Variants in FNBP1L observed in about 807,000 individuals in gnomAD.
The protein encoded by FNBP1L is formin-binding protein 1-like.
Under a neutral mutation model 91.2 loss-of-function variants are expected in FNBP1L, and 36 were observed. The ratio of observed to expected loss-of-function variants is 0.39; its 90% CI spans 0.30 to 0.52. The LOEUF (loss-of-function observed/expected upper bound fraction) is 0.52. FNBP1L is among the 20% of genes least tolerant of loss of function. The pLI is 0.66. For synonymous variants in FNBP1L, 242 were observed against 237.0 expected (o/e 1.02, Z -0.19); for missense variants, 571 against 732.1 (o/e 0.78, Z 2.54).
intron 9 of FNBP1L, among the ~76,000 whole-genome samples, chr1:93,535,454 A>G (rs987254134): frequency 6.6e-5 from 10 of 152,076 alleles, no homozygotes; most frequent in African/African-American, 2.4e-4. Flanking sequence ...TTTATTTTAG[A>G]TAGATCTAGG....
At chr1:93,474,643 A>G (rs1399289427) in intron 1 of FNBP1L, among the ~76,000 whole-genome samples, 2 of 152,176 alleles carry the variant, frequency 1.3e-5, no homozygotes, top group African/African-American at 2.4e-5. Context: ...GAGAGTATAT[A>G]TTTTAAAAAT....
intron 5 of FNBP1L, among the ~76,000 whole-genome samples, chr1:93,529,443 T>G (rs572914658): frequency 6.6e-6 from 1 of 152,162 alleles, no homozygotes; most frequent in Non-Finnish European, 1.5e-5. Context: ...TTTTTCTCTC[T>G]TTTTAAAATT....
chr1:93,448,207 G>A lies in FNBP1L; in HGVS notation c.-75G>A. On this transcript the variant is annotated 5_prime_UTR_variant, in exon 1 of 17. In the 5' UTR this introduces an upstream ATG that the reference lacks. Transcript: ENST00000271234. ...GAGCTGCTAGCCCGCCGGCCAGCGA[G>A]TGAGAGGTCGGACAGACTGTGGAGC... 4.0e-6 allele frequency: 6 copies of A among 1,507,660 alleles called. No homozygotes were observed. The highest frequency in any genetic ancestry group is 5.3e-6 in the Non-Finnish European group (6 of 1,125,586). 93.4% of individuals were successfully genotyped at this position (1,507,660 alleles called of 1,614,324 possible).
intron 1 of FNBP1L, among the ~76,000 whole-genome samples, chr1:93,470,412 G>A (rs1669244915): frequency 6.6e-6 from 1 of 152,312 alleles, no homozygotes. Context: ...ACAGGCATGA[G>A]CCATCACACT....
chr1:93,497,654 C>G (rs1047592033), intron 1 of FNBP1L, among the ~76,000 whole-genome samples: 17 of 152,190 alleles, frequency 1.1e-4, no homozygotes, highest in African/African-American at 3.9e-4. Flanking sequence ...GAGTCTCACT[C>G]TATTGCCCAG....
intron 5 of FNBP1L, among the ~76,000 whole-genome samples, chr1:93,528,129 A>G (rs1389666973): frequency 2.0e-5 from 3 of 152,158 alleles, no homozygotes; most frequent in Non-Finnish European, 2.9e-5. Flanking sequence ...GAAAAGAGAA[A>G]ACATAGAAAA....
At chr1:93,537,415 C>T (rs1420704157) in intron 10 of FNBP1L, among the ~76,000 whole-genome samples, 2 of 152,030 alleles carry the variant, frequency 1.3e-5, no homozygotes, top group Non-Finnish European at 2.9e-5. Context: ...CCCCTCCTTC[C>T]CTTCTATTTT....
At chr1:93,539,424 A>G (rs947562089) in intron 10 of FNBP1L, among the ~76,000 whole-genome samples, 5 of 151,930 alleles carry the variant, frequency 3.3e-5, no homozygotes, top group Non-Finnish European at 7.4e-5. Flanking sequence ...TATGTCTAAT[A>G]TTTTTACAAA....
intron 15 of FNBP1L, among the ~76,000 whole-genome samples, chr1:93,549,770 C>T (rs919952936): frequency 2.0e-5 from 3 of 152,182 alleles, no homozygotes; most frequent in African/African-American, 4.8e-5. Context: ...ACCCAGGAAG[C>T]GGGATGCTGG....
chr1:93,465,669 T>C (rs1669050838), intron 1 of FNBP1L, among the ~76,000 whole-genome samples: 1 of 152,246 alleles, frequency 6.6e-6, no homozygotes, highest in South Asian at 2.1e-4. Flanking sequence ...AACATATGTG[T>C]ACATATGTCT....
In FNBP1L at chr1:93,469,475, T is replaced by G. The variant is rs557030067; in HGVS notation, c.24+21170T>G. ...GTGTATATGTGCCACATTATCTTTA[T>G]CCAGTCTATTATTGATGGACATTTG... On this transcript the variant is annotated intron_variant, in intron 1 of 16. Transcript: ENST00000271234. Among the ~76,000 whole-genome samples, 4 of 152,330 alleles carry G rather than the reference T, an allele frequency of 2.6e-5. No individual in the cohort carries two copies. The East Asian group carries it at 7.7e-4, about 29-fold the overall frequency.
At chr1:93,491,122 AT>A (rs1217420883) in intron 1 of FNBP1L, among the ~76,000 whole-genome samples, 1 of 151,276 alleles carries the variant, frequency 6.6e-6, no homozygotes, top group Non-Finnish European at 1.5e-5. Flanking sequence ...TTAAAAAATT[AT>A]TTTTTTTAGA....
chr1:93,473,607 A>G (rs1320133731), intron 1 of FNBP1L, among the ~76,000 whole-genome samples: 2 of 152,252 alleles, frequency 1.3e-5, no homozygotes, highest in Non-Finnish European at 2.9e-5. Flanking sequence ...TACATCCCCA[A>G]CTGCCTTGTA....
intron 7 of FNBP1L, among the ~76,000 whole-genome samples, chr1:93,531,563 A>G (rs551195853): frequency 6.6e-6 from 1 of 152,216 alleles, no homozygotes; most frequent in East Asian, 1.9e-4. Context: ...CAGCCCGGGT[A>G]CACTTTTTCT....
chr1:93,456,811 A>T (rs901304392), intron 1 of FNBP1L, among the ~76,000 whole-genome samples: 1 of 151,786 alleles, frequency 6.6e-6, no homozygotes, highest in African/African-American at 2.4e-5. Context: ...TTGGGGGAGT[A>T]TTTACAGGGG....
intron 1 of FNBP1L, among the ~76,000 whole-genome samples, chr1:93,482,439 A>G (rs1379729240): frequency 4.0e-5 from 6 of 151,440 alleles, no homozygotes; most frequent in Non-Finnish European, 7.4e-5. Flanking sequence ...AAATTTTTTT[A>G]TAAATATGCT....
chr1:93,492,461 T>C (rs1557789752), intron 1 of FNBP1L, among the ~76,000 whole-genome samples: 1 of 152,214 alleles, frequency 6.6e-6, no homozygotes, highest in Non-Finnish European at 1.5e-5. Flanking sequence ...TTATATGTTA[T>C]CTAAAAAATA....
intron 1 of FNBP1L, among the ~76,000 whole-genome samples, chr1:93,469,928 A>G (rs866670754): frequency 6.6e-6 from 1 of 152,186 alleles, no homozygotes; most frequent in Non-Finnish European, 1.5e-5. Flanking sequence ...TCACTGCACC[A>G]CTGCAGTCTG....
chr1:93,540,565 C>A (rs1274426954), intron 10 of FNBP1L, among the ~76,000 whole-genome samples: 1 of 151,974 alleles, frequency 6.6e-6, no homozygotes, highest in Non-Finnish European at 1.5e-5. Context: ...TCAAACAGTA[C>A]TTTGAAGTAT....
Sources: gnomAD v4.1 joint callset for allele counts (sites outside exome capture counted in the v4.1 genomes callset) on GRCh38, gnomAD v4.1.1 for gene constraint, MANE v1.5 for transcripts, NCBI Gene and HGNC (gene_info 2026-07-23, HGNC 2026-07-21) for gene names.